Variants in RORA observed in about 807,000 individuals in gnomAD.
RORA encodes nuclear receptor ROR-alpha.
RORA carries 7 observed loss-of-function variants against 69.5 expected under a neutral mutation model. That is an observed-to-expected ratio of 0.10 (90% CI 0.06 to 0.19). RORA has a LOEUF of 0.19. RORA is among the 10% of genes least tolerant of loss of function. The probability of loss-of-function intolerance (pLI) is 1.00; values close to 1 mark genes in which losing one functional copy is unlikely to be tolerated. For missense variants in RORA, 457 were observed against 663.0 expected, an observed-to-expected ratio of 0.69 and a Z score of 3.41; for synonymous variants, 261 against 240.8, an observed-to-expected ratio of 1.08 and a Z score of -0.78.
chr15:60,811,445 C>T (rs1253808732), intron 1 of RORA, among the ~76,000 whole-genome samples: 6 of 152,158 alleles, frequency 3.9e-5, no homozygotes, highest in African/African-American at 1.2e-4. Flanking sequence ...ATCTATTCTC[C>T]ACTATTCTTT....
intron 1 of RORA, chr15:61,214,301 T>C (rs546908545): frequency 4.6e-5 from 7 of 152,342 alleles, no homozygotes; most frequent in African/African-American, 1.7e-4. Flanking sequence ...GAGGTTTGTA[T>C]TAAAACTTCT....
chr15:61,142,234 C>T (rs550817350), intron 1 of RORA, among the ~76,000 whole-genome samples: 2 of 152,242 alleles, frequency 1.3e-5, no homozygotes, highest in East Asian at 3.9e-4. Flanking sequence ...TCTAGCTCCC[C>T]ACCTCCTCTG....
intron 2 of RORA, among the ~76,000 whole-genome samples, chr15:60,539,861 G>A (rs925624408): frequency 3.9e-5 from 6 of 152,042 alleles, no homozygotes; most frequent in Non-Finnish European, 1.5e-5. Flanking sequence ...GTTCTCAGTT[G>A]GCGTAAGGTC....
At chr15:61,031,988 G>A (rs560321888) in intron 1 of RORA, among the ~76,000 whole-genome samples, 3 of 152,092 alleles carry the variant, frequency 2.0e-5, no homozygotes, top group Non-Finnish European at 4.4e-5. Context: ...TCATTTTATC[G>A]CTGATTACCT....
intron 1 of RORA, among the ~76,000 whole-genome samples, chr15:60,958,148 T>C (rs1893321427): frequency 6.6e-6 from 1 of 152,232 alleles, no homozygotes; most frequent in South Asian, 2.1e-4. Context: ...CAAAAGTTCA[T>C]ATCTCATTAC....
intron 1 of RORA, among the ~76,000 whole-genome samples, chr15:60,916,490 G>A (rs961370476): frequency 6.6e-6 from 1 of 152,192 alleles, no homozygotes; most frequent in Admixed American, 6.5e-5. Context: ...CAGTCGATGA[G>A]GAAGTCAGTC....
chr15:61,142,255 G>A (rs1002671020), intron 1 of RORA, among the ~76,000 whole-genome samples: 1 of 152,078 alleles, frequency 6.6e-6, no homozygotes, highest in Admixed American at 6.6e-5. Context: ...AGCACTTGCT[G>A]GCATATTTCC....
At chr15:60,900,504 G>A (rs951348626) in intron 1 of RORA, among the ~76,000 whole-genome samples, 1 of 152,132 alleles carries the variant, frequency 6.6e-6, no homozygotes, top group Admixed American at 6.5e-5. Context: ...GGTCCAATAC[G>A]GGACTCTTCA....
intron 1 of RORA, among the ~76,000 whole-genome samples, chr15:60,918,224 T>C (rs1212375553): frequency 6.6e-6 from 1 of 152,246 alleles, no homozygotes. Flanking sequence ...AGAGCCTCAC[T>C]TTCCAGATTC....
In RORA at chr15:61,070,534, G is replaced by T. The variant is rs1359810819; in HGVS notation, c.166+158519C>A. The stretch of plus-strand genomic sequence containing the variant: ...TTGTAGGCATCTGATCCTTTGGACA[G>T]ATTTTTTCCACGGAAATAAAATACA... On this transcript the variant is annotated intron_variant, in intron 1 of 10. Coordinates refer to ENST00000335670, the MANE Select transcript of RORA (RefSeq NM_134261.3). 2.6e-5 allele frequency among the ~76,000 whole-genome samples: 4 copies of T among 152,320 alleles called. No individual in the cohort carries two copies. In the East Asian group the frequency reaches 7.7e-4, roughly 29 times the overall value.
chr15:60,981,839 T>C (rs1267164889), intron 1 of RORA, among the ~76,000 whole-genome samples: 7 of 152,096 alleles, frequency 4.6e-5, no homozygotes, highest in Non-Finnish European at 1.0e-4. Flanking sequence ...GATTGCTTTT[T>C]TTTTTTCTCC....
Position 60,531,398 on chromosome 15 carries a change from C to A in RORA, c.282+368G>T. ...AATAAGACTCAACTCAGTGACATTC[C>A]AATTAAACTTACTGGAGATGTCTTT... On this transcript the variant is annotated intron_variant, in intron 3 of 10. Transcript: ENST00000335670. The surrounding 1 kb of genome is among the most constrained non-coding windows in gnomAD (Gnocchi z 4.8). 1 of 195,800 alleles carries A rather than the reference C, an allele frequency of 5.1e-6. No individual in the cohort carries two copies. Among genetic ancestry groups the A allele is most frequent in the Non-Finnish European group, 1.0e-5 (1 of 98,412 alleles). 12.1% of individuals were successfully genotyped at this position (195,800 alleles called of 1,614,324 possible). A position where few individuals can be genotyped will look rare whatever the true frequency, so the allele number is the denominator to read the frequency against.
chr15:61,030,472 C>A (rs1387190393), intron 1 of RORA, among the ~76,000 whole-genome samples: 3 of 152,082 alleles, frequency 2.0e-5, no homozygotes, highest in African/African-American at 7.2e-5. Context: ...TTTCTGTAAG[C>A]CAGTGGGCAT....
intron 1 of RORA, among the ~76,000 whole-genome samples, chr15:61,136,548 A>G (rs758901169): frequency 1.3e-5 from 2 of 152,338 alleles, no homozygotes; most frequent in South Asian, 2.1e-4. Flanking sequence ...ACAATGAGAC[A>G]AAACACATGA....
chr15:60,817,242 A>C (rs2072831178), intron 1 of RORA, among the ~76,000 whole-genome samples: 1 of 152,194 alleles, frequency 6.6e-6, no homozygotes, highest in Non-Finnish European at 1.5e-5. Flanking sequence ...ATCAAGTCAC[A>C]CAATTTTTTT....
intron 1 of RORA, among the ~76,000 whole-genome samples, chr15:61,228,331 C>G (rs769828005): frequency 9.2e-5 from 14 of 152,310 alleles, no homozygotes; most frequent in Admixed American, 5.2e-4. Context: ...AACCCCCGGT[C>G]TGCAAACTTG....
At chr15:60,742,470 C>G (rs535192880) in intron 1 of RORA, among the ~76,000 whole-genome samples, 1 of 152,154 alleles carries the variant, frequency 6.6e-6, no homozygotes, top group African/African-American at 2.4e-5. Context: ...ATATGCATTA[C>G]CTCACAGACA....
At chr15:60,748,087 C>T (rs1419675543) in intron 1 of RORA, among the ~76,000 whole-genome samples, 1 of 152,138 alleles carries the variant, frequency 6.6e-6, no homozygotes, top group African/African-American at 2.4e-5. Flanking sequence ...CATAAATGAA[C>T]CTCTGGGTCA....
chr15:60,660,793 T>C (rs2070292050), intron 2 of RORA, among the ~76,000 whole-genome samples: 1 of 152,112 alleles, frequency 6.6e-6, no homozygotes, highest in Non-Finnish European at 1.5e-5. Context: ...AAGCCCTACA[T>C]CTGGGCATTG....
Sources: gnomAD v4.1 joint callset for allele counts (sites outside exome capture counted in the v4.1 genomes callset) on GRCh38, gnomAD v4.1.1 for gene constraint, Gnocchi (gnomAD v3.1) non-coding constraint, MANE v1.5 for transcripts, NCBI Gene and HGNC (gene_info 2026-07-23, HGNC 2026-07-21) for gene names.